ACBD6: variants seen among roughly 807,000 people sequenced by gnomAD.
The protein encoded by ACBD6 is acyl-CoA-binding domain-containing protein 6.
A neutral mutation model predicts 37.2 loss-of-function variants in ACBD6; 28 were observed. The ratio of observed to expected loss-of-function variants is 0.75; its 90% CI spans 0.56 to 1.03. The LOEUF is 1.03. Ranked by LOEUF, ACBD6 falls within the 50% of genes least tolerant of loss-of-function variation. The pLI is 0.00. For synonymous variants in ACBD6, 113 were observed against 126.8 expected (o/e 0.89, Z 0.73); for missense variants, 340 against 337.4 (o/e 1.01, Z -0.06).
At chr1:180,345,391 T>C (rs1021982243) in intron 6 of ACBD6, among the ~76,000 whole-genome samples, 14 of 152,288 alleles carry the variant, frequency 9.2e-5, no homozygotes, top group Admixed American at 2.6e-4. Flanking sequence ...TGCTATGAAA[T>C]AGGCACTTTC....
chr1:180,276,385 T>C (rs1478292474), intron 9 of ACBD6: 1 of 152,240 alleles, frequency 6.6e-6, no homozygotes, highest in Non-Finnish European at 1.5e-5. Flanking sequence ...GGGATCAGCC[T>C]TCGGGCCCTC....
chr1:180,429,716 C>G (rs566433380), intron 4 of ACBD6, among the ~76,000 whole-genome samples: 2 of 151,990 alleles, frequency 1.3e-5, no homozygotes, highest in East Asian at 3.9e-4. Flanking sequence ...TTTTAATTTA[C>G]AGCAAATTAA....
chr1:180,313,601 G>T (rs1650677222), intron 7 of ACBD6, among the ~76,000 whole-genome samples: 1 of 152,176 alleles, frequency 6.6e-6, no homozygotes, highest in African/African-American at 2.4e-5. Context: ...GCAGTCTAAG[G>T]TTGCCAAGAC....
At chr1:180,437,678 C>G (rs1649101226) in intron 3 of ACBD6, among the ~76,000 whole-genome samples, 1 of 152,034 alleles carries the variant, frequency 6.6e-6, no homozygotes, top group African/African-American at 2.4e-5. Context: ...ACACAAAAAT[C>G]AGGTTAGGTC....
chr1:180,394,869 G>T (rs1654203057), intron 6 of ACBD6, among the ~76,000 whole-genome samples: 1 of 152,060 alleles, frequency 6.6e-6, no homozygotes, highest in Admixed American at 6.6e-5. Context: ...GAAAGTACTA[G>T]AAGAAAATGT....
intron 7 of ACBD6, among the ~76,000 whole-genome samples, chr1:180,301,407 G>A (rs984886751): frequency 6.6e-6 from 1 of 151,732 alleles, no homozygotes; most frequent in Non-Finnish European, 1.5e-5. Flanking sequence ...CACATATTTT[G>A]TATGTTATAT....
intron 5 of ACBD6, among the ~76,000 whole-genome samples, chr1:180,404,123 G>A (rs895273100): frequency 1.2e-4 from 18 of 152,116 alleles, no homozygotes; most frequent in African/African-American, 3.1e-4. Context: ...ACTAATTTTT[G>A]TATTTTCAGT....
chr1:180,407,275 C>G (rs1647664671), intron 5 of ACBD6, among the ~76,000 whole-genome samples: 1 of 152,200 alleles, frequency 6.6e-6, no homozygotes, highest in African/African-American at 2.4e-5. Context: ...TTCATCTGTT[C>G]ATGAAATACA....
At chr1:180,490,607 C>T (rs2102087157) in intron 3 of ACBD6, among the ~76,000 whole-genome samples, 1 of 151,812 alleles carries the variant, frequency 6.6e-6, no homozygotes, top group Non-Finnish European at 1.5e-5. Flanking sequence ...AACCCCGTCT[C>T]TACTAAAGAT....
At chr1:180,281,029 A>G (rs1180874354) in intron 9 of ACBD6, among the ~76,000 whole-genome samples, 1 of 152,182 alleles carries the variant, frequency 6.6e-6, no homozygotes, top group Non-Finnish European at 1.5e-5. Flanking sequence ...TGAGTATAGC[A>G]GGTTCATTGG....
At position 180,471,697 on chromosome 1, in the gene ACBD6, T is replaced by G. The variant is rs377634585; in HGVS notation, c.384+20572A>C. Among the ~76,000 whole-genome samples, 13 of 152,250 alleles carry G rather than the reference T, an allele frequency of 8.5e-5. 1 individual carries two copies. In the East Asian group the frequency reaches 1.7e-3, roughly 20 times the overall value. ...CATGGGAGAGACCAGCCCCCATGAT[T>G]CAATTACCTCCCCCTGGGTCCCTCC... On this transcript the variant is annotated intron_variant, in intron 3 of 7. Coordinates refer to ENST00000367595, the MANE Select transcript of ACBD6 (RefSeq NM_032360.4).
chr1:180,287,830 C>T (rs978554019), downstream of ACBD6, among the ~76,000 whole-genome samples: 6 of 152,130 alleles, frequency 3.9e-5, no homozygotes, highest in Non-Finnish European at 8.8e-5. Flanking sequence ...ACACCCCTTA[C>T]GTGACAAAAT....
intron 7 of ACBD6, among the ~76,000 whole-genome samples, chr1:180,304,067 T>TAA (rs1243764938): frequency 6.6e-6 from 1 of 150,924 alleles, no homozygotes; most frequent in Non-Finnish European, 1.5e-5. Flanking sequence ...CGCTTCATGC[T>TAA]AAAAACTCTC....
At chr1:180,458,450 T>C (rs1650005706) in intron 3 of ACBD6, among the ~76,000 whole-genome samples, 1 of 152,174 alleles carries the variant, frequency 6.6e-6, no homozygotes, top group Non-Finnish European at 1.5e-5. Flanking sequence ...AGGTATGTTG[T>C]CATATAATAC....
chr1:180,274,603 T>C, intron 10 of ACBD6: 1 of 1,539,320 alleles, frequency 6.5e-7, no homozygotes. Flanking sequence ...CCACCCTACC[T>C]GCCCCCCTGG....
intron 4 of ACBD6, among the ~76,000 whole-genome samples, chr1:180,425,899 TTTATAC>T (rs1648564676): frequency 6.6e-6 from 1 of 152,240 alleles, no homozygotes; most frequent in African/African-American, 2.4e-5. Context: ...ATTCTAATTT[TTTATAC>T]TTATATTCTT....
chr1:180,465,820 T>C lies in ACBD6; in HGVS notation c.384+26449A>G, dbSNP rs565548896. 4.6e-5 allele frequency among the ~76,000 whole-genome samples: 7 copies of C among 152,232 alleles called. No individual in the cohort carries two copies. The East Asian group carries it at 1.4e-3, about 29-fold the overall frequency. On this transcript the variant is annotated intron_variant, in intron 3 of 7. Transcript: ENST00000367595. Reference sequence around the variant, plus strand: ...TGCAGTACACATACATCACAGAATATTATGGAGCCATTAAAAAGAATGAGA... The same window carrying C: ...TGCAGTACACATACATCACAGAATACTATGGAGCCATTAAAAAGAATGAGA...
rs1652031980 is a variant in ACBD6 at position 180,502,558 on chromosome 1, A to C, written c.-292T>G. Reference sequence around the variant, plus strand: ...GGCTCGCCTCAGGCCCCTCCAACGGAACAGGAGTCGAGGGGCAGTGAGGCC... The same window carrying C: ...GGCTCGCCTCAGGCCCCTCCAACGGCACAGGAGTCGAGGGGCAGTGAGGCC... On this transcript the variant is annotated 5_prime_UTR_variant, in exon 1 of 8. Coordinates refer to ENST00000367595, the MANE Select transcript of ACBD6 (RefSeq NM_032360.4). The C allele has an allele frequency of 2.2e-6, 1 of 452,840 alleles. No homozygotes were observed. Among genetic ancestry groups the C allele is most frequent in the African/African-American group, 2.0e-5 (1 of 50,266 alleles). 28.1% of individuals were successfully genotyped at this position (452,840 alleles called of 1,614,324 possible).
chr1:180,435,852 G>A, intron 3 of ACBD6: 2 of 1,235,224 alleles, frequency 1.6e-6, no homozygotes, highest in Non-Finnish European at 2.4e-6. Flanking sequence ...CTAAAACCAG[G>A]TATCAAATTG....
Sources: gnomAD v4.1 joint callset for allele counts (sites outside exome capture counted in the v4.1 genomes callset) on GRCh38, gnomAD v4.1.1 for gene constraint, MANE v1.5 for transcripts, NCBI Gene and HGNC (gene_info 2026-07-23, HGNC 2026-07-21) for gene names.